AHDC1: variants seen among roughly 807,000 people sequenced by gnomAD.
The protein encoded by AHDC1 is transcription factor Gibbin.
Under a neutral mutation model 87.9 loss-of-function variants are expected in AHDC1, and 7 were observed. The ratio of observed to expected loss-of-function variants is 0.08; its 90% CI spans 0.05 to 0.15. The LOEUF (loss-of-function observed/expected upper bound fraction) is 0.15. AHDC1 is among the 10% of genes least tolerant of loss of function. The pLI is 1.00. For missense variants in AHDC1, 1,841 were observed against 2,253.2 expected, an observed-to-expected ratio of 0.82 and a Z score of 3.70; for synonymous variants, 1,051 against 1,006.8, an observed-to-expected ratio of 1.04 and a Z score of -0.83.
chr1:27,601,953 G>A (rs962318872), intron 3 of AHDC1, among the ~76,000 whole-genome samples: 3 of 152,204 alleles, frequency 2.0e-5, no homozygotes, highest in Non-Finnish European at 2.9e-5. Flanking sequence ...CAGGGAGCTG[G>A]GGCCAAGTCC....
rs1056821085 is a variant in AHDC1 at position 27,550,353 on chromosome 1, C to T, written c.1763G>A (p.Arg588Gln). The change falls in exon 8 of 9, where the codon CGG becomes CAG. Residue 588 changes from arginine (R) to glutamine (Q), a missense_variant. This residue lies in a region of AHDC1 where 84 missense variants were observed against 111.7 expected (regional missense o/e 0.75). Coordinates refer to ENST00000673934, the MANE Select transcript of AHDC1 (RefSeq NM_001371928.1). ...AGATGCCAGCTTCTGCTTCCGCCGC[C>T]GTCGTTTTTTTACCTCTGGCATGGC... The part of the protein sequence containing the change: ...TMAMPEVKKR[R>Q]RRKQKLASPQ... 8.7e-6 allele frequency: 14 copies of T among 1,613,956 alleles called. No individual in the cohort carries two copies. Among genetic ancestry groups the T allele is most frequent in the African/African-American group, 5.3e-5 (4 of 74,950 alleles).
rs1298858799 is a variant in AHDC1 at position 27,551,255 on chromosome 1, T to C, written c.861A>G (p.Ala287=). The C allele has an allele frequency of 1.2e-6, 2 of 1,609,908 alleles. No individual in the cohort carries two copies. The highest frequency in any genetic ancestry group is 1.7e-6 in the Non-Finnish European group (2 of 1,179,612). The change falls in exon 8 of 9, where the codon GCA becomes GCG. Residue 287 remains alanine (A), a synonymous_variant. Coordinates refer to ENST00000673934, the MANE Select transcript of AHDC1 (RefSeq NM_001371928.1). ...CCAGAGCTTCCCCGAGCGGCTCTAG[T>C]GCCTGCGGGTCCAGGAAGCGGGGCT... is the stretch of plus-strand genomic sequence containing the variant. ...DPQPRFLDPQ[A]LEPLGEALEL...
In AHDC1 at chr1:27,551,756, T is replaced by G. The variant is rs2019577893; in HGVS notation, c.360A>C (p.Pro120=). The G allele has an allele frequency of 1.9e-6, 3 of 1,613,528 alleles. No homozygotes were observed. Among genetic ancestry groups the G allele is most frequent in the African/African-American group, 2.7e-5 (2 of 74,840 alleles). ...TCATGATGTCAATCAGCTGCACCAC[T>G]GGTCGCAGGTTCACCCGCCCGTTGT... ...CWDNGRVNLR[P]VVQLIDIMKD... The change falls in exon 8 of 9, where the codon CCA becomes CCC. Residue 120 remains proline, a synonymous_variant. Transcript: ENST00000673934.
chr1:27,559,080 C>T (rs2148333990), intron 3 of AHDC1, among the ~76,000 whole-genome samples, 197 bp from the exon 4 acceptor site: 1 of 152,254 alleles, frequency 6.6e-6, no homozygotes, highest in Middle Eastern at 3.4e-3. Context: ...AGGGCCTCAT[C>T]TCGTTTTGTG....
Position 27,603,747 on chromosome 1 carries a change from GC to G in AHDC1, c.-747del, listed in dbSNP as rs1274605874. On this transcript the variant is annotated 5_prime_UTR_variant, in exon 2 of 9. Transcript: ENST00000673934. ...GCAAACCTGGGAGGGAACGCGCCCC[GC>G]GTAGTCCTCCTGCTCCTCCTCCTCC... The G allele has an allele frequency of 9.3e-6, 1 of 107,834 alleles. No homozygotes were observed. Among genetic ancestry groups the G allele is most frequent in the African/African-American group, 3.5e-5 (1 of 28,490 alleles). The allele number at this position is 107,834 out of a possible 1,614,324, so 6.7% of individuals were successfully genotyped here.
chr1:27,556,173 G>C (rs913685872), intron 5 of AHDC1, among the ~76,000 whole-genome samples: 1 of 151,504 alleles, frequency 6.6e-6, no homozygotes. Flanking sequence ...TGAGTCCCCA[G>C]CCCCACCCTC....
chr1:27,551,483 G>T lies in AHDC1; in HGVS notation c.633C>A (p.Gly211=). Residue 211 remains glycine (G), a synonymous_variant, in exon 8 of 9, where the codon GGC becomes GGA. Transcript: ENST00000673934. ...CCGTGGCTCCGGGACTATGGCCTTGGCCAGGCTGGGGACTGTCCCTAGGCT... is the reference window on the plus strand; with the variant it reads ...CCGTGGCTCCGGGACTATGGCCTTGTCCAGGCTGGGGACTGTCCCTAGGCT... The part of the protein sequence containing the change: ...EPEPRDSPQP[G]QGHSPGATAA... 1 of 1,608,390 alleles carries T rather than the reference G, an allele frequency of 6.2e-7. No homozygotes were observed.
chr1:27,579,232 C>T (rs927471302), intron 3 of AHDC1, among the ~76,000 whole-genome samples: 1 of 151,682 alleles, frequency 6.6e-6, no homozygotes, highest in Admixed American at 6.6e-5. Context: ...GACAGGGCCT[C>T]ACTACGTTGC....
intron 8 of AHDC1, among the ~76,000 whole-genome samples, chr1:27,543,507 C>T (rs971716978): frequency 2.0e-5 from 3 of 152,242 alleles, no homozygotes; most frequent in Non-Finnish European, 4.4e-5. Context: ...TGTGACCTGC[C>T]TTTGCCCACA....
chr1:27,572,271 G>A (rs1427686921), intron 3 of AHDC1, among the ~76,000 whole-genome samples: 1 of 152,058 alleles, frequency 6.6e-6, no homozygotes, highest in Non-Finnish European at 1.5e-5. Context: ...GAGAGTGAGG[G>A]GGCTTGAGGC....
At chr1:27,602,989 C>G (rs1195623853) in intron 3 of AHDC1, among the ~76,000 whole-genome samples, 2 of 138,416 alleles carry the variant, frequency 1.4e-5, no homozygotes, top group African/African-American at 2.6e-5. Context: ...CCTTCATTCC[C>G]CCCCCCCCCA....
At chr1:27,603,143 A>ACCCCCCCCCCCCC (rs1156376060) in intron 3 of AHDC1, among the ~76,000 whole-genome samples, 3 of 110,424 alleles carry the variant, frequency 2.7e-5, no homozygotes, top group African/African-American at 6.9e-5. Context: ...AAACCCGAGA[A>ACCCCCCCCCCCCC]CCCCCCCTCC....
intron 3 of AHDC1, among the ~76,000 whole-genome samples, chr1:27,584,542 G>A (rs576284006): frequency 6.6e-6 from 1 of 152,310 alleles, no homozygotes; most frequent in Non-Finnish European, 1.5e-5. Flanking sequence ...TTATCCCACT[G>A]TTGAGAATTG....
Position 27,561,895 on chromosome 1 carries a change from G to A in AHDC1, c.-628-3012C>T, listed in dbSNP as rs1455663192. On this transcript the variant is annotated intron_variant, in intron 3 of 8. Transcript: ENST00000673934. This position sits in a 1 kb window ranked among gnomAD's most constrained non-coding sequence, Gnocchi z 4.2. ...GGGCTCATGGAAGAAGGGAGATGGA[G>A]AGGAAGGTAGAGAGAGGCGGGTGAG... Among the ~76,000 whole-genome samples, 1 of 152,132 alleles carries A rather than the reference G, an allele frequency of 6.6e-6. No individual in the cohort carries two copies. The highest frequency in any genetic ancestry group is 2.4e-5 in the African/African-American group (1 of 41,396).
Position 27,563,295 on chromosome 1 carries a change from G to GAC in AHDC1, c.-628-4414_-628-4413dup, listed in dbSNP as rs2020181371. ...AAGAACCTGTCACATAGTTGACCAAGACACACACACATGCACACACACACA... is the reference window on the plus strand; with the variant it reads ...AAGAACCTGTCACATAGTTGACCAAGACACACACACACATGCACACACACACA... On this transcript the variant is annotated intron_variant, in intron 3 of 8. Coordinates refer to ENST00000673934, the MANE Select transcript of AHDC1 (RefSeq NM_001371928.1). This position sits in a 1 kb window ranked among gnomAD's most constrained non-coding sequence, Gnocchi z 6.1. Among the ~76,000 whole-genome samples the GAC allele has an allele frequency of 6.8e-6, 1 of 148,016 alleles. No homozygotes were observed. The highest frequency in any genetic ancestry group is 1.5e-5 in the Non-Finnish European group (1 of 67,104).
rs954243056 is a variant in AHDC1, at chr1:27,547,180, T to C, written c.*43+81A>G. 53 of 1,027,840 alleles carry C rather than the reference T, an allele frequency of 5.2e-5. 2 individuals are homozygous for C. The South Asian group carries it at 9.2e-4, about 18-fold the overall frequency. The allele number at this position is 1,027,840 out of a possible 1,614,324, so 63.7% of individuals were successfully genotyped here. On this transcript the variant is annotated intron_variant, in intron 8 of 8. Transcript: ENST00000673934. This position sits in a 1 kb window ranked among gnomAD's most constrained non-coding sequence, Gnocchi z 4.9. ...TCCTGCATTTGCTTCCTGCACTCCA[T>C]ACCTCTGTCCTTGCCTAAGCTCTGA...
chr1:27,603,166 C>T (rs2089588199), intron 3 of AHDC1, among the ~76,000 whole-genome samples: 1 of 149,740 alleles, frequency 6.7e-6, no homozygotes, highest in Non-Finnish European at 1.5e-5. Flanking sequence ...GCCCCCCCTC[C>T]CCGTCCACCT....
chr1:27,557,647 C>T (rs765183751), intron 5 of AHDC1, among the ~76,000 whole-genome samples: 4 of 152,172 alleles, frequency 2.6e-5, no homozygotes, highest in South Asian at 4.1e-4. Flanking sequence ...CACAGATCCC[C>T]GTGTGCATAC....
intron 5 of AHDC1, chr1:27,553,444 A>C (rs1439438106): frequency 6.6e-6 from 1 of 152,210 alleles, no homozygotes; most frequent in Non-Finnish European, 1.5e-5. Flanking sequence ...GATCATTATA[A>C]ATGACTTAAT....
Sources: gnomAD v4.1 joint callset for allele counts (sites outside exome capture counted in the v4.1 genomes callset) on GRCh38, gnomAD v4.1.1 for gene constraint, gnomAD v4.1.1 regional missense constraint, Gnocchi (gnomAD v3.1) non-coding constraint, MANE v1.5 for transcripts, NCBI Gene and HGNC (gene_info 2026-07-23, HGNC 2026-07-21) for gene names.